The following SGMS2 variants were observed in gnomAD, a reference collection of about 807,000 sequenced individuals.
SGMS2 encodes sphingomyelin synthase 2, also known as phosphatidylcholine:ceramide cholinephosphotransferase 2.
Under a neutral mutation model 43.8 loss-of-function variants are expected in SGMS2, and 21 were observed. The observed-to-expected ratio is 0.48, with a 90% CI of 0.34 to 0.69. The LOEUF (loss-of-function observed/expected upper bound fraction) is 0.69. Ranked by LOEUF, SGMS2 falls within the 30% of genes least tolerant of loss-of-function variation. The pLI is 0.01. For missense variants in SGMS2, 384 were observed against 443.2 expected (o/e 0.87, Z 1.20); for synonymous variants, 167 against 160.6 (o/e 1.04, Z -0.30).
chr4:107,834,160 G>C (rs1368596638), intron 1 of SGMS2, among the ~76,000 whole-genome samples: 1 of 152,226 alleles, frequency 6.6e-6, no homozygotes, highest in African/African-American at 2.4e-5. Context: ...GTTTTGATTT[G>C]TTCCTTATGC....
rs994498101 is a variant in SGMS2 at position 107,869,688 on chromosome 4, CTCTT to C, written c.-245+11140_-245+11143del. On this transcript the variant is annotated intron_variant, in intron 2 of 6. Transcript: ENST00000690982. ...AGGGTCATGTTGGGGAAAAAAGAAT[CTCTT>C]TCTTACAGATGAAATTACATGGTCT... Among the ~76,000 whole-genome samples, 22 of 151,786 alleles carry C rather than the reference CTCTT, an allele frequency of 1.4e-4. 1 individual carries two copies. The highest frequency in any genetic ancestry group is 4.4e-4 in the African/African-American group (18 of 41,234).
intron 1 of SGMS2, among the ~76,000 whole-genome samples, chr4:107,848,679 A>T (rs562328616): frequency 3.9e-5 from 6 of 152,088 alleles, no homozygotes; most frequent in African/African-American, 1.2e-4. Context: ...GCATCTTTTC[A>T]TATAATTTTT....
intron 1 of SGMS2, among the ~76,000 whole-genome samples, chr4:107,839,033 C>T (rs1010723346): frequency 9.2e-5 from 14 of 152,154 alleles, no homozygotes; most frequent in Admixed American, 8.5e-4. Flanking sequence ...TTGCTTAGCT[C>T]CATTCCTTTC....
At chr4:107,901,908 C>CTTTT (rs773312563) in intron 4 of SGMS2, among the ~76,000 whole-genome samples, 6 of 143,068 alleles carry the variant, frequency 4.2e-5, no homozygotes, top group Admixed American at 1.4e-4. Flanking sequence ...CCTTCTTCTT[C>CTTTT]TTTTTTTTTT....
At chr4:107,842,340 A>C (rs1417958418) in intron 1 of SGMS2, among the ~76,000 whole-genome samples, 1 of 152,174 alleles carries the variant, frequency 6.6e-6, no homozygotes, top group Non-Finnish European at 1.5e-5. Flanking sequence ...GAAGGGGAGC[A>C]GGTGTCTCAC....
chr4:107,825,654 C>G (rs1725548396), intron 1 of SGMS2, among the ~76,000 whole-genome samples: 1 of 122,228 alleles, frequency 8.2e-6, no homozygotes, highest in South Asian at 2.7e-4. Context: ...GAGGCACTTA[C>G]TGATGATGTG....
intron 1 of SGMS2, among the ~76,000 whole-genome samples, chr4:107,832,799 G>A (rs149558533): frequency 1.3e-3 from 199 of 152,272 alleles, no homozygotes; most frequent in African/African-American, 4.6e-3. Flanking sequence ...AGGCCAAGGC[G>A]GGTGGATAGC....
At chr4:107,865,623 T>A (rs1728058563) in intron 2 of SGMS2, among the ~76,000 whole-genome samples, 1 of 152,232 alleles carries the variant, frequency 6.6e-6, no homozygotes, top group South Asian at 2.1e-4. Context: ...ACCCAATAAC[T>A]TTTCTATTGT....
chr4:107,829,623 T>C (rs891067789), intron 1 of SGMS2, among the ~76,000 whole-genome samples: 1 of 152,260 alleles, frequency 6.6e-6, no homozygotes, highest in Non-Finnish European at 1.5e-5. Flanking sequence ...TTGTGTTTAT[T>C]TAAATTGATA....
At chr4:107,876,423 A>G (rs1024420856) in intron 2 of SGMS2, among the ~76,000 whole-genome samples, 1 of 152,212 alleles carries the variant, frequency 6.6e-6, no homozygotes. Context: ...ACTCACTTCT[A>G]TAGATTTTTG....
At position 107,850,501 on chromosome 4, in the gene SGMS2, G is replaced by A. The variant is rs181026529; in HGVS notation, c.-326-7971G>A. Among the ~76,000 whole-genome samples, 670 of 152,294 alleles carry A rather than the reference G, an allele frequency of 4.4e-3. 6 individuals are homozygous for A. Among genetic ancestry groups the A allele is most frequent in the African/African-American group, 0.016 (649 of 41,556 alleles). On this transcript the variant is annotated intron_variant, in intron 1 of 6. Transcript: ENST00000690982. ...TTTATGGAGGTAAGGGAAAACCTCA[G>A]AGGTTCTCTTTCTGTGTGGTAAACC...
chr4:107,832,456 A>G (rs1322217257), intron 1 of SGMS2, among the ~76,000 whole-genome samples: 4 of 152,164 alleles, frequency 2.6e-5, no homozygotes, highest in Non-Finnish European at 5.9e-5. Context: ...TAAGGATCCT[A>G]CTTGAAACAC....
At chr4:107,854,581 A>ATTT in intron 1 of SGMS2, among the ~76,000 whole-genome samples, 1 of 152,232 alleles carries the variant, frequency 6.6e-6, no homozygotes, top group East Asian at 1.9e-4. Flanking sequence ...ATGTGGCTAT[A>ATTT]TTTTGGCCAT....
At chr4:107,903,129 A>T in intron 4 of SGMS2, 104 bp from the exon 5 acceptor site, 1 of 1,171,644 alleles carries the variant, frequency 8.5e-7, no homozygotes, top group Admixed American at 1.9e-5. Context: ...TAAAAAGAAA[A>T]AAAAAATCAC....
intron 1 of SGMS2, among the ~76,000 whole-genome samples, chr4:107,836,854 GA>G (rs1199469480): frequency 6.6e-6 from 1 of 152,186 alleles, no homozygotes; most frequent in Non-Finnish European, 1.5e-5. Flanking sequence ...GACTGGGAGA[GA>G]GGATGGGCAG....
intron 4 of SGMS2, among the ~76,000 whole-genome samples, chr4:107,900,710 G>A (rs1001671206): frequency 6.6e-5 from 10 of 152,128 alleles, no homozygotes; most frequent in Non-Finnish European, 8.8e-5. Flanking sequence ...TCTGGACAAA[G>A]GAATGAAGTC....
rs1345135844 is a variant in SGMS2, at chr4:107,914,816, AC to A, written c.*4264del. 1.3e-5 allele frequency: 2 copies of A among 152,120 alleles called. No homozygotes were observed. The allele number at this position is 152,120 out of a possible 1,614,324, so 9.4% of individuals were successfully genotyped here. A position where few individuals can be genotyped will look rare whatever the true frequency, so the allele number is the denominator to read the frequency against. ...CATGCTTGTGATTTTGTGTTTGTAAACATTTCAGGAGGAATTTAGGAGTGTA... is the reference window on the plus strand; with the variant it reads ...CATGCTTGTGATTTTGTGTTTGTAAAATTTCAGGAGGAATTTAGGAGTGTA... On this transcript the variant is annotated 3_prime_UTR_variant, in exon 7 of 7. Transcript: ENST00000690982.
chr4:107,913,656 T>G lies in SGMS2; in HGVS notation c.*3103T>G, dbSNP rs1732264036. ...TTAAACCTTTCCCAAAGGTAAAATG[T>G]GCTCAGATTATAGGCACTTGTAATT... On this transcript the variant is annotated 3_prime_UTR_variant, in exon 7 of 7. Transcript: ENST00000690982. The G allele has an allele frequency of 6.6e-6, 1 of 152,212 alleles. No homozygotes were observed. Among genetic ancestry groups the G allele is most frequent in the South Asian group, 2.1e-4 (1 of 4,830 alleles). The allele number at this position is 152,212 out of a possible 1,614,324, so 9.4% of individuals were successfully genotyped here. A position where few individuals can be genotyped will look rare whatever the true frequency, so the allele number is the denominator to read the frequency against.
Position 107,899,657 on chromosome 4 carries a change from C to T in SGMS2, c.538C>T (p.Pro180Ser), listed in dbSNP as rs1158979343. ...CATTACAATGTATGTTACTACTCTA[C>T]CTGTGCCTGGAATGCATTTCCAGTG... ...RCITMYVTTL[P>S]VPGMHFQCAP... is the part of the protein sequence containing the mutation. Residue 180 changes from proline to serine, a missense_variant, in exon 4 of 7, where the codon CCT becomes TCT. Pro to Ser is a moderately conservative substitution (Grantham distance 74). Coordinates refer to ENST00000690982, the MANE Select transcript of SGMS2 (RefSeq NM_001375905.1). The T allele has an allele frequency of 5.0e-6, 8 of 1,612,870 alleles. No individual in the cohort carries two copies. Among genetic ancestry groups the T allele is most frequent in the Non-Finnish European group, 5.1e-6 (6 of 1,179,460 alleles).
Sources: gnomAD v4.1 joint callset for allele counts (sites outside exome capture counted in the v4.1 genomes callset) on GRCh38, gnomAD v4.1.1 for gene constraint, MANE v1.5 for transcripts, NCBI Gene and HGNC (gene_info 2026-07-23, HGNC 2026-07-21) for gene names.